RAB31: variants seen among roughly 807,000 people sequenced by gnomAD.
The protein encoded by RAB31 is RAB31, member RAS oncogene family.
In RAB31, 21 loss-of-function variants were observed where a neutral mutation model predicts 25.6. That is an observed-to-expected ratio of 0.82 (90% CI 0.58 to 1.18). The LOEUF is 1.18. Ranked by LOEUF, RAB31 falls within the 50% of genes most tolerant of loss-of-function variation. The pLI is 0.00. For missense variants in RAB31, 196 were observed against 250.1 expected (o/e 0.78, Z 1.46); for synonymous variants, 87 against 84.0 (o/e 1.04, Z -0.20).
At chr18:9,804,145 G>A (rs1460952552) in intron 3 of RAB31, among the ~76,000 whole-genome samples, 1 of 152,162 alleles carries the variant, frequency 6.6e-6, no homozygotes, top group Non-Finnish European at 1.5e-5. Flanking sequence ...CTTACACACG[G>A]GCTTCTGCCC....
intron 2 of RAB31, among the ~76,000 whole-genome samples, chr18:9,782,534 ATG>A (rs1229562148): frequency 6.6e-6 from 1 of 152,166 alleles, no homozygotes; most frequent in Non-Finnish European, 1.5e-5. Context: ...GTGTGTGTGT[ATG>A]TGTGTGTCTC....
intron 3 of RAB31, among the ~76,000 whole-genome samples, chr18:9,810,229 C>T (rs923802672): frequency 6.6e-6 from 1 of 152,186 alleles, no homozygotes; most frequent in South Asian, 2.1e-4. Flanking sequence ...TTTCAAATAA[C>T]CTTTCAAGGT....
intron 3 of RAB31, among the ~76,000 whole-genome samples, chr18:9,810,311 G>A (rs888703880): frequency 2.0e-5 from 3 of 152,150 alleles, no homozygotes; most frequent in Non-Finnish European, 4.4e-5. Context: ...CTTTTTATGT[G>A]AGCATTCCAT....
At chr18:9,808,344 G>A (rs73385080) in intron 3 of RAB31, among the ~76,000 whole-genome samples, 2,843 of 152,254 alleles carry the variant, frequency 0.019, 61 homozygotes, top group East Asian at 0.047. Flanking sequence ...CTGTACTGCC[G>A]TTATTCAGAG....
chr18:9,773,418 C>T (rs1307147779), intron 1 of RAB31, among the ~76,000 whole-genome samples: 3 of 152,038 alleles, frequency 2.0e-5, no homozygotes, highest in African/African-American at 7.3e-5. Context: ...TCACTTGTTC[C>T]CGTTTTGTGT....
At chr18:9,740,335 T>C (rs1478432863) in intron 1 of RAB31, among the ~76,000 whole-genome samples, 2 of 152,250 alleles carry the variant, frequency 1.3e-5, no homozygotes, top group Admixed American at 1.3e-4. Flanking sequence ...GTTAATTTGC[T>C]CAGAGCCTGA....
rs1259515422 is a variant in RAB31 at position 9,861,246 on chromosome 18, G to A, written c.*1921G>A. 1 of 152,090 alleles carries A rather than the reference G, an allele frequency of 6.6e-6. No homozygotes were observed. The highest frequency in any genetic ancestry group is 6.5e-5 in the Admixed American group (1 of 15,276). The allele number at this position is 152,090 out of a possible 1,614,324, so 9.4% of individuals were successfully genotyped here. A position where few individuals can be genotyped will look rare whatever the true frequency, so the allele number is the denominator to read the frequency against. On this transcript the variant is annotated 3_prime_UTR_variant, in exon 7 of 7. Coordinates refer to ENST00000578921, the MANE Select transcript of RAB31 (RefSeq NM_006868.4). ...AGATAGCTGTTCAGGTTTTTTAGCT[G>A]AGGGGTAAGTATCCTAGCTGAGAGT... is the stretch of plus-strand genomic sequence containing the variant.
intron 5 of RAB31, among the ~76,000 whole-genome samples, chr18:9,818,025 C>T (rs2068607548): frequency 6.6e-6 from 1 of 152,140 alleles, no homozygotes; most frequent in Non-Finnish European, 1.5e-5. Context: ...AATGTGGCTC[C>T]TCAAGATCCT....
intron 3 of RAB31, among the ~76,000 whole-genome samples, chr18:9,807,081 G>A (rs2068545450): frequency 6.6e-6 from 1 of 152,242 alleles, no homozygotes; most frequent in Admixed American, 6.5e-5. Flanking sequence ...TGCTCGGACA[G>A]GAGGGAGGTG....
At chr18:9,761,610 G>A (rs917262822) in intron 1 of RAB31, among the ~76,000 whole-genome samples, 17 of 152,110 alleles carry the variant, frequency 1.1e-4, no homozygotes, top group African/African-American at 3.6e-4. Context: ...TGATGGAACC[G>A]GGGCAGGGTC....
chr18:9,711,299 A>G (rs896290907), intron 1 of RAB31, among the ~76,000 whole-genome samples: 2 of 151,270 alleles, frequency 1.3e-5, no homozygotes, highest in Non-Finnish European at 2.9e-5. Context: ...ATCCTTCTGC[A>G]TCAGCCTAGG....
chr18:9,809,523 G>T (rs1312138390), intron 3 of RAB31, among the ~76,000 whole-genome samples: 1 of 151,942 alleles, frequency 6.6e-6, no homozygotes, highest in South Asian at 2.1e-4. Flanking sequence ...AACTTATTTG[G>T]CCAGGAAACC....
chr18:9,733,681 G>A (rs368730318), intron 1 of RAB31, among the ~76,000 whole-genome samples: 10 of 152,102 alleles, frequency 6.6e-5, no homozygotes, highest in East Asian at 5.8e-4. Context: ...CTGGGACCAC[G>A]GCCTTGGTTC....
At chr18:9,719,584 A>C (rs1048951465) in intron 1 of RAB31, among the ~76,000 whole-genome samples, 1 of 151,468 alleles carries the variant, frequency 6.6e-6, no homozygotes, top group African/African-American at 2.4e-5. Context: ...CTCCTCATTT[A>C]ACTTCTTTTT....
In RAB31 at chr18:9,857,534, T is replaced by C. The variant is rs375646804; in HGVS notation, c.491-1694T>C. On this transcript the variant is annotated intron_variant, in intron 6 of 6. Coordinates refer to ENST00000578921, the MANE Select transcript of RAB31 (RefSeq NM_006868.4). The stretch of plus-strand genomic sequence containing the variant: ...TTAAGATGTGCTGGGGAAAAATAAA[T>C]CAATACCACAACCAAAAAAAAAAAA... Among the ~76,000 whole-genome samples, 40 of 149,742 alleles carry C rather than the reference T, an allele frequency of 2.7e-4. 1 individual carries two copies. In the East Asian group the frequency reaches 6.6e-3, roughly 25 times the overall value.
At chr18:9,801,154 G>C (rs1568182521) in intron 3 of RAB31, among the ~76,000 whole-genome samples, 2 of 152,146 alleles carry the variant, frequency 1.3e-5, no homozygotes, top group African/African-American at 2.4e-5. Context: ...TTTTATGGCA[G>C]AATAATATTC....
At chr18:9,778,489 G>T (rs1026126329) in intron 2 of RAB31, among the ~76,000 whole-genome samples, 1 of 152,194 alleles carries the variant, frequency 6.6e-6, no homozygotes, top group Middle Eastern at 3.4e-3. Context: ...ACGGTACTTG[G>T]CTCAAAAGTC....
chr18:9,851,052 C>T (rs919191924), intron 6 of RAB31, among the ~76,000 whole-genome samples: 1 of 152,056 alleles, frequency 6.6e-6, no homozygotes, highest in Non-Finnish European at 1.5e-5. Context: ...TAGTTAGTAG[C>T]AGGTTAAAGT....
chr18:9,748,900 T>A (rs58366939), intron 1 of RAB31, among the ~76,000 whole-genome samples: 56,800 of 149,692 alleles, frequency 0.38, 10,958 homozygotes, highest in Non-Finnish European at 0.4. Flanking sequence ...CAAAAAAAAA[T>A]AATAATAAAA....
Sources: gnomAD v4.1 joint callset for allele counts (sites outside exome capture counted in the v4.1 genomes callset) on GRCh38, gnomAD v4.1.1 for gene constraint, MANE v1.5 for transcripts, NCBI Gene and HGNC (gene_info 2026-07-23, HGNC 2026-07-21) for gene names.